The following CD226 variants were observed in gnomAD, a reference collection of about 807,000 sequenced individuals.
CD226 encodes CD226 molecule.
CD226 carries 24 observed loss-of-function variants against 34.9 expected under a neutral mutation model. That is an observed-to-expected ratio of 0.69 (90% confidence interval 0.50 to 0.97). The LOEUF (loss-of-function observed/expected upper bound fraction) is 0.97, where lower values mean the gene tolerates loss of function less well. Among genes scored for constraint, CD226 ranks in the 50% least tolerant of loss-of-function variants. The pLI is 0.00. For synonymous variants in CD226, 148 were observed against 147.4 expected, an observed-to-expected ratio of 1.00 and a Z score of -0.03; for missense variants, 397 against 412.7, an observed-to-expected ratio of 0.96 and a Z score of 0.33.
At chr18:69,956,066 C>T (rs1226486452) in intron 1 of CD226, among the ~76,000 whole-genome samples, 1 of 152,168 alleles carries the variant, frequency 6.6e-6, no homozygotes, top group East Asian at 1.9e-4. Context: ...AACCCCACTT[C>T]CAGTCAACGC....
At chr18:69,924,359 A>G (rs1318472824) in intron 2 of CD226, among the ~76,000 whole-genome samples, 1 of 152,192 alleles carries the variant, frequency 6.6e-6, no homozygotes, top group East Asian at 1.9e-4. Context: ...AGATATATAC[A>G]ATATGCACTT....
rs1982864879 is a variant in CD226 at position 69,862,202 on chromosome 18, T to C, written c.*2112A>G. The stretch of plus-strand genomic sequence containing the variant: ...TTCCACACCCAGTCATAATTTTCTC[T>C]CTTAAAATTGGATTTATATTTCCCC... On this transcript the variant is annotated 3_prime_UTR_variant, in exon 6 of 6. Coordinates refer to ENST00000582621, the MANE Select transcript of CD226 (RefSeq NM_001303618.2). The C allele has an allele frequency of 6.6e-6, 1 of 152,154 alleles. No individual in the cohort carries two copies. The highest frequency in any genetic ancestry group is 2.4e-5 in the African/African-American group (1 of 41,448). 9.4% of individuals were successfully genotyped at this position (152,154 alleles called of 1,614,324 possible). A position where few individuals can be genotyped will look rare whatever the true frequency, so the allele number is the denominator to read the frequency against.
Position 69,884,182 on chromosome 18 carries a change from AG to A in CD226, c.728-10937del, listed in dbSNP as rs139079272. Among the ~76,000 whole-genome samples, 879 of 152,236 alleles carry A rather than the reference AG, an allele frequency of 5.8e-3. 13 individuals carry two copies. The highest frequency in any genetic ancestry group is 0.02 in the African/African-American group (846 of 41,528). ...CTGTAGTCCCAGGCCTGGATGACAGAGCAAGACCCTGTCTCTAAAACAAAAC... is the reference window on the plus strand; with the variant it reads ...CTGTAGTCCCAGGCCTGGATGACAGACAAGACCCTGTCTCTAAAACAAAAC... On this transcript the variant is annotated intron_variant, in intron 3 of 5. Coordinates refer to ENST00000582621, the MANE Select transcript of CD226 (RefSeq NM_001303618.2).
chr18:69,921,679 T>C (rs1402222173), intron 2 of CD226, among the ~76,000 whole-genome samples: 3 of 152,172 alleles, frequency 2.0e-5, no homozygotes, highest in Non-Finnish European at 4.4e-5. Context: ...TTAAATCACT[T>C]GTCTCCTTGT....
At chr18:69,957,745 C>A (rs1456659644), upstream of CD226, among the ~76,000 whole-genome samples, 1 of 152,152 alleles carries the variant, frequency 6.6e-6, no homozygotes, top group African/African-American at 2.4e-5. Context: ...GCAATACTGC[C>A]TCTCAAGACA....
At chr18:69,957,197 T>G (rs987929308), upstream of CD226, 1 of 152,122 alleles carries the variant, frequency 6.6e-6, no homozygotes, top group African/African-American at 2.4e-5. Flanking sequence ...GAAACTACAC[T>G]CCCCGCCGAA....
upstream of CD226, among the ~76,000 whole-genome samples, chr18:69,949,179 C>A (rs1244931522): frequency 3.9e-5 from 6 of 152,172 alleles, no homozygotes; most frequent in Admixed American, 3.9e-4. Flanking sequence ...ATGCTAACTT[C>A]TGTAACTCCA....
chr18:69,939,568 T>C (rs1278518614), intron 2 of CD226, among the ~76,000 whole-genome samples: 2 of 152,182 alleles, frequency 1.3e-5, no homozygotes, highest in African/African-American at 4.8e-5. Flanking sequence ...GCTATAAATA[T>C]TGTCAGGAAT....
upstream of CD226, among the ~76,000 whole-genome samples, chr18:69,959,548 C>G (rs1004055081): frequency 6.6e-6 from 1 of 152,200 alleles, no homozygotes; most frequent in Admixed American, 6.5e-5. Flanking sequence ...AAGAAAGAAT[C>G]AAGCATTTGC....
At chr18:69,868,644 C>T (rs1427182212) in intron 4 of CD226, among the ~76,000 whole-genome samples, 4 of 152,040 alleles carry the variant, frequency 2.6e-5, no homozygotes, top group Admixed American at 2.0e-4. Flanking sequence ...GATATAGATG[C>T]TATTATTATC....
chr18:69,938,538 C>G (rs1314398593), intron 2 of CD226, among the ~76,000 whole-genome samples: 1 of 152,202 alleles, frequency 6.6e-6, no homozygotes, highest in Non-Finnish European at 1.5e-5. Flanking sequence ...GTCAGCTGGT[C>G]AAAGGCTACT....
chr18:69,946,933 G>A lies in CD226; in HGVS notation c.183C>T (p.Ala61=). ...CCATGCCATGAGTAGGGCTGAAAAT[G>A]GCTATGGAATCCTGCTGGGTCCCGA... is the stretch of plus-strand genomic sequence containing the variant. ...FKIGTQQDSI[A]IFSPTHGMVI... The change falls in exon 2 of 6, where the codon GCC becomes GCT. Residue 61 remains alanine (A), a synonymous_variant. Transcript: ENST00000582621. 6.2e-7 allele frequency: 1 copy of A among 1,614,132 alleles called. No individual in the cohort carries two copies. The highest frequency in any genetic ancestry group is 1.7e-5 in the Admixed American group (1 of 60,018).
intron 3 of CD226, among the ~76,000 whole-genome samples, chr18:69,879,901 G>A (rs746437849): frequency 3.9e-5 from 6 of 152,146 alleles, no homozygotes; most frequent in African/African-American, 9.7e-5. Context: ...GCTCCAAAAC[G>A]GAGCCACTGA....
At chr18:69,913,317 C>A (rs530335168) in intron 2 of CD226, among the ~76,000 whole-genome samples, 89 of 152,198 alleles carry the variant, frequency 5.8e-4, no homozygotes, top group African/African-American at 2.1e-3. Flanking sequence ...CCAAAAAAGT[C>A]CTTATTGAAG....
chr18:69,927,363 T>TACACAC (rs147765877), intron 2 of CD226, among the ~76,000 whole-genome samples: 5,120 of 147,578 alleles, frequency 0.035, 284 homozygotes, highest in African/African-American at 0.12. Context: ...ACTAAGACAC[T>TACACAC]ACACACACAC....
chr18:69,945,724 T>C (rs1366463782), intron 2 of CD226, among the ~76,000 whole-genome samples: 1 of 152,054 alleles, frequency 6.6e-6, no homozygotes, highest in Non-Finnish European at 1.5e-5. Context: ...CATGGTGTAT[T>C]AGTCCGTTTT....
chr18:69,958,956 C>CTAA (rs2055916987), upstream of CD226, among the ~76,000 whole-genome samples: 1 of 152,112 alleles, frequency 6.6e-6, no homozygotes, highest in Non-Finnish European at 1.5e-5. Context: ...AGAGGTTTAT[C>CTAA]CTCTCTGGTT....
chr18:69,886,293 G>C (rs1984551946), intron 3 of CD226, among the ~76,000 whole-genome samples: 1 of 152,184 alleles, frequency 6.6e-6, no homozygotes, highest in African/African-American at 2.4e-5. Flanking sequence ...TCTCAGAACA[G>C]CCACTGGCAC....
chr18:69,945,198 A>C (rs2055774463), intron 2 of CD226, among the ~76,000 whole-genome samples: 1 of 152,222 alleles, frequency 6.6e-6, no homozygotes, highest in Non-Finnish European at 1.5e-5. Flanking sequence ...CTTTTGGATC[A>C]CAAGCATAGG....
Sources: gnomAD v4.1 joint callset for allele counts (sites outside exome capture counted in the v4.1 genomes callset) on GRCh38, gnomAD v4.1.1 for gene constraint, MANE v1.5 for transcripts, NCBI Gene and HGNC (gene_info 2026-07-23, HGNC 2026-07-21) for gene names.